The following AIG1 variants were observed in gnomAD, a reference collection of about 807,000 sequenced individuals.
AIG1 encodes the protein androgen induced 1, also known as androgen-induced gene 1 protein.
A neutral mutation model predicts 31.4 loss-of-function variants in AIG1; 23 were observed. The observed-to-expected ratio is 0.73, with a 90% CI of 0.53 to 1.04. AIG1 has a LOEUF of 1.04. Ranked by LOEUF, AIG1 falls within the 50% of genes least tolerant of loss-of-function variation. The pLI is 0.00. For synonymous variants in AIG1, 100 were observed against 110.5 expected, an observed-to-expected ratio of 0.90 and a Z score of 0.60; for missense variants, 274 against 295.0, an observed-to-expected ratio of 0.93 and a Z score of 0.52.
rs753848747 is a variant in AIG1 at position 143,326,874 on chromosome 6, AG to A, written c.516-6406del. 1.7e-4 allele frequency among the ~76,000 whole-genome samples: 26 copies of A among 152,218 alleles called. No homozygotes were observed. The highest frequency in any genetic ancestry group is 3.2e-4 in the Non-Finnish European group (22 of 68,038). Reference sequence around the variant, plus strand: ...AAGCCAGTGTGACAGGAATGCAAAGAGGAACAGGAGCAAGATATGGGATGGG... The same window carrying A: ...AAGCCAGTGTGACAGGAATGCAAAGAGAACAGGAGCAAGATATGGGATGGG... On this transcript the variant is annotated intron_variant, in intron 4 of 5. Transcript: ENST00000357847. This position sits in a 1 kb window ranked among gnomAD's most constrained non-coding sequence, Gnocchi z 4.5.
chr6:143,247,205 C>T (rs965359153), intron 3 of AIG1, among the ~76,000 whole-genome samples: 7 of 152,176 alleles, frequency 4.6e-5, no homozygotes, highest in Admixed American at 2.0e-4. Flanking sequence ...AATCTTGGCT[C>T]ACCACAACCT....
chr6:143,109,439 G>A (rs1302703107), intron 1 of AIG1, among the ~76,000 whole-genome samples: 1 of 152,196 alleles, frequency 6.6e-6, no homozygotes, highest in African/African-American at 2.4e-5. Flanking sequence ...GAGACTGCCA[G>A]TTTTCCAAAG....
At chr6:143,289,657 A>AT (rs755509292) in intron 4 of AIG1, among the ~76,000 whole-genome samples, 1 of 152,068 alleles carries the variant, frequency 6.6e-6, no homozygotes, top group Non-Finnish European at 1.5e-5. Context: ...ATTTTGGATG[A>AT]TTTTTTTGGC....
intron 3 of AIG1, among the ~76,000 whole-genome samples, chr6:143,225,097 T>G (rs892825724): frequency 6.6e-6 from 1 of 152,176 alleles, no homozygotes; most frequent in Non-Finnish European, 1.5e-5. Flanking sequence ...ACTCTACCAT[T>G]TCCCAACAGC....
intron 3 of AIG1, among the ~76,000 whole-genome samples, chr6:143,178,849 A>C (rs922640031): frequency 1.3e-5 from 2 of 152,028 alleles, no homozygotes; most frequent in Admixed American, 1.3e-4. Flanking sequence ...TCTTTGTTGG[A>C]GTTTGTAAGG....
chr6:143,142,260 A>G (rs559301342), intron 2 of AIG1, among the ~76,000 whole-genome samples: 3 of 152,052 alleles, frequency 2.0e-5, no homozygotes, highest in South Asian at 4.2e-4. Context: ...TATTTTGGAG[A>G]CAGGGGTCCC....
At chr6:143,236,900 A>G (rs536757268) in intron 3 of AIG1, among the ~76,000 whole-genome samples, 110 of 152,270 alleles carry the variant, frequency 7.2e-4, no homozygotes, top group Non-Finnish European at 1.2e-3. Context: ...TTTTCTACAC[A>G]CCAGGCACTG....
chr6:143,217,789 G>A (rs560377436), intron 3 of AIG1, among the ~76,000 whole-genome samples: 6 of 152,274 alleles, frequency 3.9e-5, no homozygotes, highest in East Asian at 3.9e-4. Context: ...GATTACAGGC[G>A]TAAGCCACCA....
intron 4 of AIG1, among the ~76,000 whole-genome samples, chr6:143,316,037 G>A (rs1775716768): frequency 6.6e-6 from 1 of 152,002 alleles, no homozygotes; most frequent in South Asian, 2.1e-4. Context: ...TAAGACATAG[G>A]GGTATAAAAC....
chr6:143,091,123 GTTGCAGCAATTCAATCATATC>G (rs1428994025), intron 1 of AIG1, among the ~76,000 whole-genome samples: 2 of 152,024 alleles, frequency 1.3e-5, no homozygotes, highest in Non-Finnish European at 2.9e-5. Context: ...GTGTCATGAC[GTTGCAGCAATTCAATCATATC>G]TTCAGACTCC....
chr6:143,093,432 T>C (rs1288725196), intron 1 of AIG1, among the ~76,000 whole-genome samples: 1 of 152,252 alleles, frequency 6.6e-6, no homozygotes, highest in Non-Finnish European at 1.5e-5. Context: ...AGGTTTTGGC[T>C]TAAGGGAATG....
intron 4 of AIG1, among the ~76,000 whole-genome samples, chr6:143,323,071 G>T (rs1173469013): frequency 1.3e-5 from 2 of 152,158 alleles, no homozygotes; most frequent in Admixed American, 6.5e-5. Flanking sequence ...GAGGCTCAAT[G>T]AAGTTAAATA....
intron 3 of AIG1, among the ~76,000 whole-genome samples, chr6:143,171,749 A>G (rs962006187): frequency 2.7e-5 from 4 of 150,236 alleles, no homozygotes; most frequent in African/African-American, 9.8e-5. Context: ...ATTTTAGGAA[A>G]CTCCACACTG....
chr6:143,251,662 T>C (rs1461072066), intron 3 of AIG1, among the ~76,000 whole-genome samples: 2 of 152,218 alleles, frequency 1.3e-5, no homozygotes, highest in African/African-American at 4.8e-5. Context: ...GCTGTTTTTT[T>C]CAGGTTCTGT....
rs1213649575 is a variant in AIG1, at chr6:143,322,187, G to A, written c.516-11095G>A. ...GGTTGGTAGTCCAAGGAGGTAGCGA[G>A]ATCAAGGAAGACATTATCATGGCTG... On this transcript the variant is annotated intron_variant, in intron 4 of 5. Transcript: ENST00000357847. 2.0e-5 allele frequency among the ~76,000 whole-genome samples: 3 copies of A among 152,172 alleles called. No individual in the cohort carries two copies. The East Asian group carries it at 5.8e-4, about 29-fold the overall frequency.
intron 3 of AIG1, among the ~76,000 whole-genome samples, chr6:143,282,776 G>A (rs987081659): frequency 2.6e-5 from 4 of 152,086 alleles, no homozygotes; most frequent in African/African-American, 9.7e-5. Context: ...TTTTTTCTAG[G>A]AATATAAACA....
At chr6:143,244,717 T>C (rs1174775031) in intron 3 of AIG1, among the ~76,000 whole-genome samples, 1 of 152,246 alleles carries the variant, frequency 6.6e-6, no homozygotes, top group Non-Finnish European at 1.5e-5. Flanking sequence ...GTGCTGTCTG[T>C]GCAGGCTCTT....
chr6:143,255,774 T>C (rs957969679), intron 3 of AIG1, among the ~76,000 whole-genome samples: 1 of 152,182 alleles, frequency 6.6e-6, no homozygotes, highest in Non-Finnish European at 1.5e-5. Flanking sequence ...TTCTAAAAGA[T>C]AGGAAATATA....
intron 3 of AIG1, among the ~76,000 whole-genome samples, chr6:143,276,896 T>C (rs1339856740): frequency 2.0e-5 from 3 of 152,322 alleles, no homozygotes; most frequent in African/African-American, 7.2e-5. Flanking sequence ...TCTATCTCCC[T>C]TGAAGAGGAG....
Sources: allele counts gnomAD v4.1 joint callset (sites outside exome capture counted in the v4.1 genomes callset), GRCh38; gene constraint gnomAD v4.1.1; non-coding constraint Gnocchi (gnomAD v3.1); transcripts MANE v1.5; gene names NCBI Gene and HGNC (gene_info 2026-07-23, HGNC 2026-07-21).